DIP2C: variants seen among roughly 807,000 people sequenced by gnomAD.
DIP2C encodes disco-interacting protein 2 homolog C.
DIP2C carries 33 observed loss-of-function variants against 192.4 expected under a neutral mutation model. That is an observed-to-expected ratio of 0.17 (90% CI 0.13 to 0.23). DIP2C has a LOEUF of 0.23. DIP2C is among the 10% of genes least tolerant of loss of function. The pLI is 1.00. For missense variants in DIP2C, 1,537 were observed against 2,110.1 expected, an observed-to-expected ratio of 0.73 and a Z score of 5.32; for synonymous variants, 979 against 864.1, an observed-to-expected ratio of 1.13 and a Z score of -2.33.
chr10:493,684 G>C (rs1219823786), intron 1 of DIP2C, among the ~76,000 whole-genome samples: 1 of 152,286 alleles, frequency 6.6e-6, no homozygotes, highest in East Asian at 1.9e-4. Context: ...CTTTGGATTG[G>C]GAGGGAACAT....
At chr10:340,618 T>A (rs1958096602) in intron 29 of DIP2C, 4 of 375,982 alleles carry the variant, frequency 1.1e-5, no homozygotes, top group Non-Finnish European at 1.6e-5. Context: ...AATGAACATG[T>A]ATGTATAATC....
intron 4 of DIP2C, among the ~76,000 whole-genome samples, chr10:435,838 G>A (rs934240457): frequency 9.2e-5 from 14 of 152,086 alleles, no homozygotes; most frequent in South Asian, 2.1e-4. Flanking sequence ...TTTGATTCCC[G>A]AAATATTTAT....
chr10:406,390 C>CA (rs1311453897), intron 9 of DIP2C, among the ~76,000 whole-genome samples: 1 of 152,222 alleles, frequency 6.6e-6, no homozygotes, highest in Non-Finnish European at 1.5e-5. Flanking sequence ...ACGAACTTTG[C>CA]ATTCCTCTCC....
chr10:583,860 C>A lies in DIP2C; in HGVS notation c.86-97330G>T, dbSNP rs555837161. 4.6e-5 allele frequency among the ~76,000 whole-genome samples: 7 copies of A among 152,344 alleles called. No homozygotes were observed. The South Asian group carries it at 1.0e-3, about 23-fold the overall frequency. On this transcript the variant is annotated intron_variant, in intron 1 of 36. Coordinates refer to ENST00000280886, the MANE Select transcript of DIP2C (RefSeq NM_014974.3). ...AACATGGAAGACCTGAGGGCCCACACTGACCACAGCCAGACGCCACTTCTC... is the reference window on the plus strand; with the variant it reads ...AACATGGAAGACCTGAGGGCCCACAATGACCACAGCCAGACGCCACTTCTC...
intron 1 of DIP2C, among the ~76,000 whole-genome samples, chr10:505,990 G>A (rs1249819431): frequency 6.6e-6 from 1 of 152,326 alleles, no homozygotes. Flanking sequence ...AGAAATCCAG[G>A]GGATTAGGAA....
intron 1 of DIP2C, among the ~76,000 whole-genome samples, chr10:594,126 C>G (rs1207941223): frequency 3.9e-5 from 6 of 152,200 alleles, no homozygotes; most frequent in Non-Finnish European, 8.8e-5. Flanking sequence ...GCCGACGGTG[C>G]TGAGTCACGT....
chr10:511,373 C>T (rs17159618), intron 1 of DIP2C, among the ~76,000 whole-genome samples: 3,668 of 152,264 alleles, frequency 0.024, 148 homozygotes, highest in African/African-American at 0.082. Context: ...AGTTCCATGT[C>T]GTTAAAGGAA....
At chr10:542,728 G>C (rs929627583) in intron 1 of DIP2C, among the ~76,000 whole-genome samples, 2 of 151,928 alleles carry the variant, frequency 1.3e-5, no homozygotes, top group Non-Finnish European at 2.9e-5. Flanking sequence ...TCAGATCCCA[G>C]TTCTTATCGG....
At chr10:606,036 G>T (rs1024298077) in intron 1 of DIP2C, among the ~76,000 whole-genome samples, 1 of 152,222 alleles carries the variant, frequency 6.6e-6, no homozygotes, top group Non-Finnish European at 1.5e-5. Flanking sequence ...GCCGGGGTCC[G>T]ACTGTGCAAG....
At chr10:367,316 C>T (rs1249596477) in intron 18 of DIP2C, among the ~76,000 whole-genome samples, 1 of 151,226 alleles carries the variant, frequency 6.6e-6, no homozygotes, top group African/African-American at 2.4e-5. Context: ...CCTCGGGAGG[C>T]GGAGGCAGGA....
At chr10:523,053 T>C (rs769058410) in intron 1 of DIP2C, among the ~76,000 whole-genome samples, 1 of 152,096 alleles carries the variant, frequency 6.6e-6, no homozygotes, top group South Asian at 2.1e-4. Context: ...ATGCAGGGAC[T>C]CTACGTGACC....
At chr10:475,438 C>T (rs1970981885) in intron 2 of DIP2C, among the ~76,000 whole-genome samples, 1 of 152,116 alleles carries the variant, frequency 6.6e-6, no homozygotes, top group South Asian at 2.1e-4. Context: ...ATCTCAGTAC[C>T]ACACCTATCT....
chr10:351,183 G>A (rs1399327303), intron 24 of DIP2C, among the ~76,000 whole-genome samples: 4 of 152,190 alleles, frequency 2.6e-5, no homozygotes, highest in Admixed American at 2.0e-4. Flanking sequence ...CCAAAAGGAC[G>A]CCGCACGGAC....
chr10:443,756 A>G (rs1967928155), intron 3 of DIP2C, among the ~76,000 whole-genome samples: 1 of 152,158 alleles, frequency 6.6e-6, no homozygotes, highest in African/African-American at 2.4e-5. Context: ...ATATTCACTA[A>G]TTTATTAAGC....
intron 1 of DIP2C, among the ~76,000 whole-genome samples, chr10:541,114 G>T (rs1262000753): frequency 6.6e-6 from 1 of 150,528 alleles, no homozygotes; most frequent in Non-Finnish European, 1.5e-5. Context: ...CACAACACCC[G>T]ATGCTGGGGA....
chr10:679,589 CACACCTGTGCTCCCT>C (rs1372301035), intron 1 of DIP2C, among the ~76,000 whole-genome samples: 48 of 134,406 alleles, frequency 3.6e-4, no homozygotes, highest in Admixed American at 4.6e-4. Context: ...CCATGCTCCC[CACACCTGTGCTCCCT>C]GCACCCATCT....
At chr10:396,774 C>G (rs568100254) in intron 10 of DIP2C, among the ~76,000 whole-genome samples, 14 of 146,152 alleles carry the variant, frequency 9.6e-5, no homozygotes, top group Non-Finnish European at 1.9e-4. Context: ...AAGCACCTCA[C>G]GGGAAGTCTG....
chr10:458,597 T>G (rs1969496591), intron 3 of DIP2C, among the ~76,000 whole-genome samples: 1 of 148,960 alleles, frequency 6.7e-6, no homozygotes, highest in Non-Finnish European at 1.5e-5. Flanking sequence ...GGATGTCCTC[T>G]ACATTCCTGC....
At chr10:588,742 T>C (rs879906466) in intron 1 of DIP2C, among the ~76,000 whole-genome samples, 2 of 152,154 alleles carry the variant, frequency 1.3e-5, no homozygotes, top group Admixed American at 6.5e-5. Context: ...GTGCCTGAAC[T>C]GCCCCACAGG....
Sources: gnomAD v4.1 joint callset for allele counts (sites outside exome capture counted in the v4.1 genomes callset) on GRCh38, gnomAD v4.1.1 for gene constraint, MANE v1.5 for transcripts, NCBI Gene and HGNC (gene_info 2026-07-23, HGNC 2026-07-21) for gene names.